Variants in CTNNA2 observed in about 807,000 individuals in gnomAD.
CTNNA2 encodes catenin alpha-2.
Under a neutral mutation model 101.0 loss-of-function variants are expected in CTNNA2, and 42 were observed. The observed-to-expected ratio is 0.42, with a 90% CI of 0.32 to 0.54. The LOEUF (loss-of-function observed/expected upper bound fraction) is 0.54. CTNNA2 is among the 20% of genes least tolerant of loss of function. CTNNA2 has a pLI of 0.14. For synonymous variants in CTNNA2, 450 were observed against 456.4 expected, an observed-to-expected ratio of 0.99 and a Z score of 0.18; for missense variants, 871 against 1,223.1, an observed-to-expected ratio of 0.71 and a Z score of 4.29.
intron 7 of CTNNA2, among the ~76,000 whole-genome samples, chr2:80,258,566 T>C (rs1335346294): frequency 2.6e-5 from 4 of 152,128 alleles, no homozygotes; most frequent in African/African-American, 4.8e-5. Flanking sequence ...TAGGGAATGT[T>C]CCACTGAGCC....
At chr2:80,451,069 C>T (rs996040610) in intron 9 of CTNNA2, among the ~76,000 whole-genome samples, 1 of 152,016 alleles carries the variant, frequency 6.6e-6, no homozygotes, top group African/African-American at 2.4e-5. Context: ...GGTGCATTAT[C>T]CTTTGTGTGG....
At chr2:80,561,379 C>G (rs529500902) in intron 12 of CTNNA2, among the ~76,000 whole-genome samples, 1 of 152,226 alleles carries the variant, frequency 6.6e-6, no homozygotes, top group African/African-American at 2.4e-5. Flanking sequence ...TGACTAAAAC[C>G]TATATACTCT....
At chr2:80,521,321 T>A (rs1017164390) in intron 9 of CTNNA2, among the ~76,000 whole-genome samples, 1 of 152,202 alleles carries the variant, frequency 6.6e-6, no homozygotes, top group African/African-American at 2.4e-5. Context: ...TGGGAGTCTT[T>A]ATTTCCAAAC....
rs547990847 is a variant in CTNNA2 at position 80,546,093 on chromosome 2, G to A, written c.1540+30G>A. On this transcript the variant is annotated intron_variant, in intron 11 of 18. Transcript: ENST00000402739. ...TCATCACAAACAGGTCCCTTACAAG[G>A]CAGCTGGAGGAGGGTAACTGAACGA... 1.1e-5 allele frequency: 17 copies of A among 1,610,814 alleles called. No homozygotes were observed. The South Asian group carries it at 1.8e-4, about 17-fold the overall frequency.
intron 3 of CTNNA2, among the ~76,000 whole-genome samples, chr2:79,821,767 T>C (rs1004978307): frequency 1.3e-5 from 2 of 152,174 alleles, no homozygotes; most frequent in African/African-American, 4.8e-5. Flanking sequence ...ACATCCCATA[T>C]AGAACATATG....
chr2:80,191,208 C>G (rs1706477947), intron 7 of CTNNA2, among the ~76,000 whole-genome samples: 1 of 152,054 alleles, frequency 6.6e-6, no homozygotes, highest in Admixed American at 6.6e-5. Context: ...AAAGGGAAGA[C>G]AAAGCCATAA....
intron 7 of CTNNA2, chr2:80,289,067 G>A (rs763379521): frequency 2.0e-5 from 3 of 152,156 alleles, no homozygotes; most frequent in Non-Finnish European, 2.9e-5. Context: ...TAATTAAGCC[G>A]AGATGGATTT....
At chr2:79,989,942 G>A (rs76267511) in intron 7 of CTNNA2, among the ~76,000 whole-genome samples, 52 of 151,980 alleles carry the variant, frequency 3.4e-4, no homozygotes, top group Non-Finnish European at 6.5e-4. Flanking sequence ...AAGGAAATTC[G>A]GAGTTTGGTC....
chr2:79,187,249 T>C (rs1673789659), intron 1 of CTNNA2, among the ~76,000 whole-genome samples: 1 of 109,380 alleles, frequency 9.1e-6, no homozygotes. Context: ...TCTTTTCTTT[T>C]CTTTTCTTTT....
chr2:80,188,017 G>A (rs929686381), intron 7 of CTNNA2, among the ~76,000 whole-genome samples: 2 of 151,754 alleles, frequency 1.3e-5, no homozygotes, highest in Non-Finnish European at 2.9e-5. Context: ...AGAGAAGTTT[G>A]TACCTGCCTG....
intron 15 of CTNNA2, among the ~76,000 whole-genome samples, chr2:80,601,286 G>A (rs1360559226): frequency 6.6e-6 from 1 of 152,020 alleles, no homozygotes; most frequent in African/African-American, 2.4e-5. Context: ...TCAATATTAT[G>A]TAACTGAATG....
At chr2:79,747,796 C>G (rs947138533) in intron 3 of CTNNA2, among the ~76,000 whole-genome samples, 8 of 152,110 alleles carry the variant, frequency 5.3e-5, no homozygotes, top group Non-Finnish European at 8.8e-5. Context: ...TTCAAGTTTT[C>G]TTTTTATATT....
At chr2:79,584,380 CT>C (rs1676338594) in intron 1 of CTNNA2, among the ~76,000 whole-genome samples, 1 of 151,426 alleles carries the variant, frequency 6.6e-6, no homozygotes, top group African/African-American at 2.4e-5. Context: ...TTCTTGTTGT[CT>C]TTTTCTTTTA....
Position 80,209,205 on chromosome 2 carries a change from C to CT in CTNNA2, c.1057-183994dup, listed in dbSNP as rs11302431. ...ATGTTTATTCTTTTTTTTTTTAATT[C>CT]TTTTTTTTTTTTCTGAGAAGGAGTC... On this transcript the variant is annotated intron_variant, in intron 7 of 18. Transcript: ENST00000402739. Among the ~76,000 whole-genome samples the CT allele has an allele frequency of 5.7e-3, 811 of 141,812 alleles. 3 individuals carry two copies. The highest frequency in any genetic ancestry group is 7.3e-3 in the Non-Finnish European group (476 of 64,874). 93.0% of individuals were successfully genotyped at this position (141,812 alleles called of 152,430 possible).
intron 7 of CTNNA2, among the ~76,000 whole-genome samples, chr2:80,366,789 C>T (rs114960253): frequency 0.043 from 6,532 of 152,130 alleles, 476 homozygotes; most frequent in African/African-American, 0.15. Context: ...GCCAAGGTTG[C>T]GGATGCACAG....
At chr2:80,086,424 A>G (rs1280468065) in intron 7 of CTNNA2, among the ~76,000 whole-genome samples, 1 of 152,110 alleles carries the variant, frequency 6.6e-6, no homozygotes, top group Non-Finnish European at 1.5e-5. Flanking sequence ...ATGAGATGGT[A>G]AACTGGGGTC....
chr2:80,239,081 G>A (rs981816911), intron 7 of CTNNA2, among the ~76,000 whole-genome samples: 4 of 152,196 alleles, frequency 2.6e-5, no homozygotes, highest in Non-Finnish European at 5.9e-5. Flanking sequence ...ATGAAGTTGA[G>A]TATGAGGATA....
At chr2:80,463,351 A>C (rs1464689373) in intron 9 of CTNNA2, among the ~76,000 whole-genome samples, 1 of 152,220 alleles carries the variant, frequency 6.6e-6, no homozygotes, top group African/African-American at 2.4e-5. Context: ...TCATTAAGGT[A>C]GTACTTTGTA....
chr2:80,205,485 A>G (rs1707476225), intron 7 of CTNNA2, among the ~76,000 whole-genome samples: 2 of 152,218 alleles, frequency 1.3e-5, no homozygotes, highest in African/African-American at 4.8e-5. Context: ...GATTAAAGGA[A>G]ATTCATTTCA....
Sources: gnomAD v4.1 joint callset for allele counts (sites outside exome capture counted in the v4.1 genomes callset) on GRCh38, gnomAD v4.1.1 for gene constraint, MANE v1.5 for transcripts, NCBI Gene and HGNC (gene_info 2026-07-23, HGNC 2026-07-21) for gene names.